The following C2orf80 variants were observed in gnomAD, a reference collection of about 807,000 sequenced individuals.
The protein encoded by C2orf80 is uncharacterized protein C2orf80.
Under a neutral mutation model 30.2 loss-of-function variants are expected in C2orf80, and 28 were observed. The ratio of observed to expected loss-of-function variants is 0.93; its 90% CI spans 0.69 to 1.27. The LOEUF is 1.27. Ranked by LOEUF, C2orf80 falls within the 50% of genes most tolerant of loss-of-function variation. C2orf80 has a pLI of 0.00. For missense variants in C2orf80, 220 were observed against 231.0 expected (o/e 0.95, Z 0.31); for synonymous variants, 80 against 76.4 (o/e 1.05, Z -0.24).
chr2:208,174,439 G>T (rs1160279075), intron 6 of C2orf80, among the ~76,000 whole-genome samples: 1 of 152,184 alleles, frequency 6.6e-6, no homozygotes, highest in African/African-American at 2.4e-5. Context: ...GAAGGGACCA[G>T]GTTGCTATCA....
chr2:208,174,025 T>C (rs930730412), intron 6 of C2orf80, among the ~76,000 whole-genome samples: 2 of 152,066 alleles, frequency 1.3e-5, no homozygotes, highest in African/African-American at 2.4e-5. Context: ...AGATCTTGGC[T>C]CCCAGCAGCC....
intron 3 of C2orf80, among the ~76,000 whole-genome samples, chr2:208,184,714 T>C (rs1696663132): frequency 6.6e-6 from 1 of 152,232 alleles, no homozygotes; most frequent in Non-Finnish European, 1.5e-5. Context: ...TTTTTAATCT[T>C]CTTTCCTAAT....
intron 5 of C2orf80, 135 bp downstream of exon 5, chr2:208,181,083 A>G: frequency 4.1e-6 from 3 of 724,766 alleles, no homozygotes; most frequent in East Asian, 5.4e-5. Flanking sequence ...ACTTTAAAAA[A>G]CGAAACATTT....
chr2:208,189,877 C>T (rs1053817938), intron 1 of C2orf80, 76 bp downstream of exon 1: 11 of 698,550 alleles, frequency 1.6e-5, no homozygotes, highest in Non-Finnish European at 2.9e-5. Context: ...TGCACACCTG[C>T]AATCGTGGTA....
In C2orf80 at chr2:208,165,604, C is replaced by G; in HGVS notation, c.*203G>C. On this transcript the variant is annotated 3_prime_UTR_variant, in exon 9 of 9. Coordinates refer to ENST00000341287, the MANE Select transcript of C2orf80 (RefSeq NM_001099334.3). Reference sequence around the variant, plus strand: ...GTCACAATGAAGTAGCATAAGGTCACAGTTTTTTTTTTTAAGAAAATGTAG... The same window carrying G: ...GTCACAATGAAGTAGCATAAGGTCAGAGTTTTTTTTTTTAAGAAAATGTAG... The G allele has an allele frequency of 2.1e-6, 1 of 483,860 alleles. No individual in the cohort carries two copies. Among genetic ancestry groups the G allele is most frequent in the South Asian group, 2.6e-5 (1 of 37,956 alleles). The allele number at this position is 483,860 out of a possible 1,614,324, so 30.0% of individuals were successfully genotyped here.
intron 8 of C2orf80, among the ~76,000 whole-genome samples, chr2:208,167,022 C>G (rs987020378): frequency 6.6e-6 from 1 of 152,066 alleles, no homozygotes; most frequent in Non-Finnish European, 1.5e-5. Flanking sequence ...GAGGTAGGTA[C>G]TATTATGACT....
At chr2:208,175,972 G>C (rs1696279577) in intron 6 of C2orf80, among the ~76,000 whole-genome samples, 1 of 152,096 alleles carries the variant, frequency 6.6e-6, no homozygotes, top group Non-Finnish European at 1.5e-5. Flanking sequence ...GAGGCTCACG[G>C]GGCAGATCCT....
intron 6 of C2orf80, among the ~76,000 whole-genome samples, chr2:208,180,210 G>A (rs1696509590): frequency 6.6e-6 from 1 of 152,096 alleles, no homozygotes; most frequent in African/African-American, 2.4e-5. Flanking sequence ...AGTATTTTAG[G>A]AGGCCAAGGC....
At chr2:208,177,396 C>G (rs1248457981) in intron 6 of C2orf80, among the ~76,000 whole-genome samples, 1 of 151,828 alleles carries the variant, frequency 6.6e-6, no homozygotes, top group South Asian at 2.1e-4. Context: ...ACAAAATTAG[C>G]CAGGCGTGGT....
At position 208,171,987 on chromosome 2, in the gene C2orf80, CT is replaced by C. The variant is rs1559337681; in HGVS notation, c.454del (p.Ser152ValfsTer7). 1.9e-6 allele frequency: 3 copies of C among 1,612,348 alleles called. No homozygotes were observed. In the Admixed American group the frequency reaches 5.0e-5, roughly 27 times the overall value. Reference protein sequence around the residue: ...PKAAAYARKQSVKSRKVTTNK... With the variant: ...PKAAAYARKQXVKSRKVTTNK... ...AAGCAGGTGAAAGTAACCAGGCTTA[CT>C]CTGTTTGCGGGCGTATGCTGCTGCT... On this transcript the variant is annotated frameshift_variant and splice_region_variant, in exon 7 of 9. Transcript: ENST00000341287. LOFTEE classifies it high-confidence loss of function.
At chr2:208,170,420 A>G (rs1342584407) in intron 8 of C2orf80, among the ~76,000 whole-genome samples, 1 of 152,150 alleles carries the variant, frequency 6.6e-6, no homozygotes, top group Admixed American at 6.5e-5. Flanking sequence ...GAATTCCACC[A>G]CAAATAAATC....
At chr2:208,179,734 G>A (rs1696491216) in intron 6 of C2orf80, among the ~76,000 whole-genome samples, 1 of 151,436 alleles carries the variant, frequency 6.6e-6, no homozygotes, top group Non-Finnish European at 1.5e-5. Flanking sequence ...GTCATATGGA[G>A]GCCCGAAAGG....
chr2:208,166,808 C>A (rs918869403), intron 8 of C2orf80, among the ~76,000 whole-genome samples: 2 of 152,094 alleles, frequency 1.3e-5, no homozygotes, highest in African/African-American at 2.4e-5. Flanking sequence ...CGCCACCACG[C>A]CCAACTAATT....
chr2:208,172,534 C>T (rs922667637), intron 6 of C2orf80, among the ~76,000 whole-genome samples: 3 of 152,110 alleles, frequency 2.0e-5, no homozygotes, highest in African/African-American at 4.8e-5. Context: ...CTTTAACAGG[C>T]ACTTTACAGA....
chr2:208,179,142 A>ATGAGTGAATGAATGAG (rs1206245978), intron 6 of C2orf80, among the ~76,000 whole-genome samples: 6 of 152,220 alleles, frequency 3.9e-5, no homozygotes, highest in Non-Finnish European at 8.8e-5. Flanking sequence ...GAATGAACAG[A>ATGAGTGAATGAATGAG]TGAGTGAATG....
At chr2:208,171,433 G>A (rs7425194) in intron 7 of C2orf80, among the ~76,000 whole-genome samples, 134,229 of 151,888 alleles carry the variant, frequency 0.88, 59,501 homozygotes, top group Non-Finnish European at 0.92. Context: ...CGATTATCTC[G>A]CCTCAGCCTC....
At chr2:208,183,261 T>C (rs1696619027) in intron 3 of C2orf80, among the ~76,000 whole-genome samples, 1 of 152,106 alleles carries the variant, frequency 6.6e-6, no homozygotes, top group East Asian at 1.9e-4. Context: ...AGAAATATTT[T>C]GGGATCTTGA....
intron 6 of C2orf80, among the ~76,000 whole-genome samples, chr2:208,177,100 G>A (rs1349924279): frequency 1.6e-5 from 2 of 121,608 alleles, no homozygotes; most frequent in East Asian, 3.6e-4. Flanking sequence ...ATATATAGTA[G>A]TATAGTAATC....
chr2:208,188,592 C>T (rs1696788327), intron 1 of C2orf80, among the ~76,000 whole-genome samples: 1 of 152,046 alleles, frequency 6.6e-6, no homozygotes, highest in South Asian at 2.1e-4. Flanking sequence ...ACTACAGGTG[C>T]ACGCCACCAA....
Sources: allele counts gnomAD v4.1 joint callset (sites outside exome capture counted in the v4.1 genomes callset), GRCh38; gene constraint gnomAD v4.1.1; transcripts MANE v1.5; gene names NCBI Gene and HGNC (gene_info 2026-07-23, HGNC 2026-07-21).